Variants in NCK2 observed in about 807,000 individuals in gnomAD.
NCK2 encodes cytoplasmic protein NCK2.
In NCK2, 16 loss-of-function variants were observed where a neutral mutation model predicts 33.9. That is an observed-to-expected ratio of 0.47 (90% CI 0.32 to 0.72). NCK2 has a LOEUF of 0.72. Among genes scored for constraint, NCK2 ranks in the 30% least tolerant of loss-of-function variants. NCK2 has a pLI of 0.03. For missense variants in NCK2, 418 were observed against 537.3 expected, an observed-to-expected ratio of 0.78 and a Z score of 2.19; for synonymous variants, 273 against 239.9, an observed-to-expected ratio of 1.14 and a Z score of -1.27.
intron 2 of NCK2, among the ~76,000 whole-genome samples, chr2:105,842,998 G>C (rs1019367970): frequency 1.3e-5 from 2 of 152,174 alleles, no homozygotes; most frequent in Admixed American, 1.3e-4. Context: ...TTCTTCAACA[G>C]CATGTGGCCC....
chr2:105,760,017 C>T (rs1266048847), intron 1 of NCK2, among the ~76,000 whole-genome samples: 4 of 152,010 alleles, frequency 2.6e-5, no homozygotes, highest in African/African-American at 9.7e-5. Context: ...CAGGGGACTC[C>T]ACTGTCAAGT....
At chr2:105,778,418 C>G (rs1331184606) in intron 1 of NCK2, among the ~76,000 whole-genome samples, 2 of 152,214 alleles carry the variant, frequency 1.3e-5, no homozygotes, top group African/African-American at 2.4e-5. Flanking sequence ...TGACCATCCT[C>G]TGTGGCGTGG....
chr2:105,806,428 G>A lies in NCK2; in HGVS notation c.-200-10002G>A, dbSNP rs186983838. ...AACTTTTTGTATTTTTAGTAGAGAC[G>A]GGGTTTCACCGTGTTACCCAGGATG... On this transcript the variant is annotated intron_variant, in intron 1 of 4. Coordinates refer to ENST00000233154, the MANE Select transcript of NCK2 (RefSeq NM_003581.5). Among the ~76,000 whole-genome samples, 244 of 152,000 alleles carry A rather than the reference G, an allele frequency of 1.6e-3. 1 individual carries two copies. Among genetic ancestry groups the A allele is most frequent in the Non-Finnish European group, 2.4e-3 (164 of 67,972 alleles).
intron 1 of NCK2, among the ~76,000 whole-genome samples, chr2:105,751,251 C>A (rs1220893171): frequency 6.6e-6 from 1 of 152,206 alleles, no homozygotes; most frequent in African/African-American, 2.4e-5. Context: ...TTGAATTCTC[C>A]CTCAGCTCCC....
At chr2:105,810,784 A>G (rs1433169808) in intron 1 of NCK2, among the ~76,000 whole-genome samples, 1 of 152,208 alleles carries the variant, frequency 6.6e-6, no homozygotes, top group African/African-American at 2.4e-5. Context: ...ACCCTTTACA[A>G]ACCTTGTCAC....
chr2:105,814,512 G>A (rs986560989), intron 1 of NCK2, among the ~76,000 whole-genome samples: 2 of 152,176 alleles, frequency 1.3e-5, no homozygotes, highest in African/African-American at 4.8e-5. Flanking sequence ...AAGGACTCAA[G>A]TTCTAAATCC....
intron 1 of NCK2, among the ~76,000 whole-genome samples, chr2:105,757,895 C>G (rs1170738854): frequency 6.6e-6 from 1 of 152,192 alleles, no homozygotes; most frequent in Admixed American, 6.5e-5. Flanking sequence ...GGAATTGTCA[C>G]CTGAGCTGAG....
At chr2:105,872,364 CCTT>C (rs1678050768) in intron 3 of NCK2, among the ~76,000 whole-genome samples, 1 of 152,294 alleles carries the variant, frequency 6.6e-6, no homozygotes. Context: ...GGCTCTGAGT[CCTT>C]CTGCTCACAG....
chr2:105,745,550 T>G (rs1044886860), intron 1 of NCK2, among the ~76,000 whole-genome samples: 3 of 151,856 alleles, frequency 2.0e-5, no homozygotes, highest in Non-Finnish European at 4.4e-5. Flanking sequence ...GACCGTGCGG[T>G]GGCCAGGGTC....
Position 105,893,480 on chromosome 2 carries a change from A to ATTTTTT in NCK2, c.*304_*305insTTTTTT. 3.2e-6 allele frequency: 1 copy of ATTTTTT among 315,862 alleles called. No homozygotes were observed. Among genetic ancestry groups the ATTTTTT allele is most frequent in the East Asian group, 5.8e-5 (1 of 17,268 alleles). 19.6% of individuals were successfully genotyped at this position (315,862 alleles called of 1,614,324 possible). On this transcript the variant is annotated 3_prime_UTR_variant, in exon 5 of 5. Coordinates refer to ENST00000233154, the MANE Select transcript of NCK2 (RefSeq NM_003581.5). ...CCCGCTCATGGAACCCCTCTTTAAA[A>ATTTTTT]AGACGCAGGGCACCTGTGAGCGCAG...
intron 3 of NCK2, among the ~76,000 whole-genome samples, chr2:105,875,232 GC>G (rs1678186257): frequency 6.6e-6 from 1 of 152,120 alleles, no homozygotes; most frequent in Non-Finnish European, 1.5e-5. Context: ...GAGACCTCAG[GC>G]AAATGCTCAG....
At chr2:105,788,207 CAAAAGTT>C (rs1335265766) in intron 1 of NCK2, among the ~76,000 whole-genome samples, 1 of 152,150 alleles carries the variant, frequency 6.6e-6, no homozygotes, top group Non-Finnish European at 1.5e-5. Flanking sequence ...GAATTGGAGA[CAAAAGTT>C]AGAAAACCTA....
At chr2:105,829,114 C>T (rs1573168973) in intron 2 of NCK2, among the ~76,000 whole-genome samples, 1 of 152,110 alleles carries the variant, frequency 6.6e-6, no homozygotes. Context: ...TTCTGCTTGG[C>T]CTGTATGCTT....
At chr2:105,792,338 C>T (rs1412046177) in intron 1 of NCK2, among the ~76,000 whole-genome samples, 1 of 152,226 alleles carries the variant, frequency 6.6e-6, no homozygotes, top group Non-Finnish European at 1.5e-5. Context: ...TGCCCAGCTT[C>T]AGCAGTTATC....
chr2:105,771,819 C>G (rs1690143481), intron 1 of NCK2, among the ~76,000 whole-genome samples: 2 of 152,124 alleles, frequency 1.3e-5, no homozygotes, highest in East Asian at 1.9e-4. Flanking sequence ...AGTAAAAACC[C>G]TCTGGTGTGA....
chr2:105,813,304 C>T (rs1005604486), intron 1 of NCK2, among the ~76,000 whole-genome samples: 2 of 152,170 alleles, frequency 1.3e-5, no homozygotes, highest in African/African-American at 4.8e-5. Flanking sequence ...CCCTGAGCCT[C>T]CTGAAGGCTG....
At position 105,806,235 on chromosome 2, in the gene NCK2, TTTC is replaced by T. The variant is rs1484132627; in HGVS notation, c.-200-10192_-200-10190del. Reference sequence around the variant, plus strand: ...TACATATCACACATATCACATTTTCTTTCTTTTTTTTTTTTTTTTTGAGACAGA... The same window carrying T: ...TACATATCACACATATCACATTTTCTTTTTTTTTTTTTTTTTTGAGACAGA... On this transcript the variant is annotated intron_variant, in intron 1 of 4. Transcript: ENST00000233154. 2.9e-4 allele frequency among the ~76,000 whole-genome samples: 15 copies of T among 51,386 alleles called. No individual in the cohort carries two copies. The South Asian group carries it at 9.5e-3, about 33-fold the overall frequency. The allele number at this position is 51,386 out of a possible 152,430, so 33.7% of individuals were successfully genotyped here.
At chr2:105,842,643 GACT>G (rs1676691666) in intron 2 of NCK2, among the ~76,000 whole-genome samples, 1 of 151,366 alleles carries the variant, frequency 6.6e-6, no homozygotes, top group African/African-American at 2.4e-5. Flanking sequence ...CTTGACTCTT[GACT>G]TGTGTCATTA....
rs1679093866 is a variant in NCK2, at chr2:105,893,694, A to C, written c.*518A>C. ...TACTGGAACCACCGGGTGCGATGGC[A>C]GTGAGGAGACTGCCCAGTGCCTTTG... On this transcript the variant is annotated 3_prime_UTR_variant, in exon 5 of 5. Coordinates refer to ENST00000233154, the MANE Select transcript of NCK2 (RefSeq NM_003581.5). 1 of 152,176 alleles carries C rather than the reference A, an allele frequency of 6.6e-6. No homozygotes were observed. The highest frequency in any genetic ancestry group is 2.4e-5 in the African/African-American group (1 of 40,988). The allele number at this position is 152,176 out of a possible 1,614,324, so 9.4% of individuals were successfully genotyped here. A position where few individuals can be genotyped will look rare whatever the true frequency, so the allele number is the denominator to read the frequency against.
Sources: gnomAD v4.1 joint callset for allele counts (sites outside exome capture counted in the v4.1 genomes callset) on GRCh38, gnomAD v4.1.1 for gene constraint, MANE v1.5 for transcripts, NCBI Gene and HGNC (gene_info 2026-07-23, HGNC 2026-07-21) for gene names.